The following SLC22A23 variants were observed in gnomAD, a reference collection of about 807,000 sequenced individuals.
SLC22A23 encodes ion transporter protein.
Under a neutral mutation model 61.0 loss-of-function variants are expected in SLC22A23, and 26 were observed. That is an observed-to-expected ratio of 0.43 (90% CI 0.31 to 0.59). The LOEUF is 0.59. Among genes scored for constraint, SLC22A23 ranks in the 20% least tolerant of loss-of-function variants. The pLI, the probability that SLC22A23 is intolerant of heterozygous loss-of-function variation, is 0.11. For missense variants in SLC22A23, 796 were observed against 934.7 expected, an observed-to-expected ratio of 0.85 and a Z score of 1.94; for synonymous variants, 430 against 413.9, an observed-to-expected ratio of 1.04 and a Z score of -0.47.
intron 4 of SLC22A23, 58 bp downstream of exon 4, chr6:3,323,776 G>GC: frequency 6.5e-7 from 1 of 1,546,728 alleles, no homozygotes; most frequent in African/African-American, 1.4e-5. Context: ...CCGGGGCCGG[G>GC]CCTTCAGGAA....
chr6:3,399,775 C>A (rs770316084), intron 3 of SLC22A23, among the ~76,000 whole-genome samples: 2 of 152,082 alleles, frequency 1.3e-5, no homozygotes, highest in African/African-American at 4.8e-5. Context: ...CTCAGGGAGT[C>A]GATAGAAGAG....
rs542241156 is a variant in SLC22A23 at position 3,386,862 on chromosome 6, C to T, written c.913+23326G>A. ...GAACAAGGACTTGCTTCCACAGGGCCGGCACCCCAGGGCGGGGCAGGCACC... is the reference window on the plus strand; with the variant it reads ...GAACAAGGACTTGCTTCCACAGGGCTGGCACCCCAGGGCGGGGCAGGCACC... On this transcript the variant is annotated intron_variant, in intron 3 of 9. Transcript: ENST00000406686. The surrounding 1 kb of genome is among the most constrained non-coding windows in gnomAD (Gnocchi z 4.4). 1.5e-3 allele frequency among the ~76,000 whole-genome samples: 222 copies of T among 152,292 alleles called. No individual in the cohort carries two copies. Among genetic ancestry groups the T allele is most frequent in the South Asian group, 2.1e-3 (10 of 4,824 alleles).
At chr6:3,335,958 G>A (rs373949519) in intron 3 of SLC22A23, among the ~76,000 whole-genome samples, 1 of 152,128 alleles carries the variant, frequency 6.6e-6, no homozygotes, top group South Asian at 2.1e-4. Context: ...GCGCGGTGGC[G>A]GGCGCCTGTA....
intron 3 of SLC22A23, among the ~76,000 whole-genome samples, chr6:3,396,511 T>G (rs919530916): frequency 6.6e-6 from 1 of 152,170 alleles, no homozygotes; most frequent in Non-Finnish European, 1.5e-5. Context: ...ATCGCGCCAC[T>G]GCACTCCAGC....
At chr6:3,363,262 G>A (rs1765596324) in intron 3 of SLC22A23, among the ~76,000 whole-genome samples, 1 of 152,218 alleles carries the variant, frequency 6.6e-6, no homozygotes, top group Non-Finnish European at 1.5e-5. Flanking sequence ...ATCCTCACCA[G>A]GCGCAGCAGC....
chr6:3,315,275 G>A (rs1247515720), intron 4 of SLC22A23, among the ~76,000 whole-genome samples: 2 of 152,208 alleles, frequency 1.3e-5, no homozygotes, highest in South Asian at 2.1e-4. Flanking sequence ...CAGGGAGGTC[G>A]GGGGAGCAGG....
chr6:3,331,767 T>C (rs1346837164), intron 3 of SLC22A23, among the ~76,000 whole-genome samples: 1 of 152,244 alleles, frequency 6.6e-6, no homozygotes, highest in Non-Finnish European at 1.5e-5. Flanking sequence ...TTCAGTCTCC[T>C]AGTATTTAAA....
intron 3 of SLC22A23, among the ~76,000 whole-genome samples, chr6:3,365,905 C>A (rs1479812341): frequency 6.6e-6 from 1 of 152,192 alleles, no homozygotes. Context: ...TTGTTAGTTT[C>A]TTGTCTGTTC....
At chr6:3,293,780 C>T (rs1291923237) in intron 5 of SLC22A23, among the ~76,000 whole-genome samples, 2 of 152,214 alleles carry the variant, frequency 1.3e-5, no homozygotes, top group East Asian at 1.9e-4. Flanking sequence ...TCCACCCTCT[C>T]GTCATCTTAG....
rs545723210 is a variant in SLC22A23 at position 3,340,205 on chromosome 6, G to A, written c.914-16203C>T. Among the ~76,000 whole-genome samples, 5 of 152,300 alleles carry A rather than the reference G, an allele frequency of 3.3e-5. No homozygotes were observed. In the East Asian group the frequency reaches 9.7e-4, roughly 29 times the overall value. On this transcript the variant is annotated intron_variant, in intron 3 of 9. Coordinates refer to ENST00000406686, the MANE Select transcript of SLC22A23 (RefSeq NM_015482.2). Reference sequence around the variant, plus strand: ...TGGCATTTCCATTTTCCAAGTACCAGCTATACGAATGACATTGAGCAAGAG... The same window carrying A: ...TGGCATTTCCATTTTCCAAGTACCAACTATACGAATGACATTGAGCAAGAG...
chr6:3,343,101 G>A (rs946230967), intron 3 of SLC22A23, among the ~76,000 whole-genome samples: 1 of 152,216 alleles, frequency 6.6e-6, no homozygotes, highest in African/African-American at 2.4e-5. Context: ...ATTTATGACA[G>A]TTGAATTCTT....
intron 6 of SLC22A23, among the ~76,000 whole-genome samples, chr6:3,288,220 CCTT>C (rs757262225): frequency 3.3e-5 from 5 of 152,280 alleles, no homozygotes; most frequent in South Asian, 4.1e-4. Flanking sequence ...CTCGAGGGAC[CCTT>C]CTTATGTCTG....
intron 1 of SLC22A23, among the ~76,000 whole-genome samples, chr6:3,452,503 G>A (rs1344210253): frequency 1.3e-5 from 2 of 150,558 alleles, no homozygotes; most frequent in Non-Finnish European, 2.9e-5. Flanking sequence ...GGAGGCTGAG[G>A]CAGAAAGATC....
intron 3 of SLC22A23, among the ~76,000 whole-genome samples, chr6:3,389,630 C>G (rs984129211): frequency 1.3e-5 from 2 of 152,216 alleles, no homozygotes; most frequent in African/African-American, 4.8e-5. Context: ...TTCAGGCTCA[C>G]TACAGTCACC....
Position 3,446,427 on chromosome 6 carries a change from G to A in SLC22A23, c.654+9479C>T, listed in dbSNP as rs140066938. Among the ~76,000 whole-genome samples the A allele has an allele frequency of 6.6e-5, 10 of 152,362 alleles. No homozygotes were observed. The East Asian group carries it at 1.9e-3, about 29-fold the overall frequency. On this transcript the variant is annotated intron_variant, in intron 1 of 9. Coordinates refer to ENST00000406686, the MANE Select transcript of SLC22A23 (RefSeq NM_015482.2). ...GCAATTAGCAAAGGCAAAGCCAGCT[G>A]AATTTGAAGGCAAATTCTAGCCCCA...
At position 3,285,083 on chromosome 6, in the gene SLC22A23, G is replaced by T. The variant is rs148573369; in HGVS notation, c.1575C>A (p.Asp525Glu). 114 of 1,613,166 alleles carry T rather than the reference G, an allele frequency of 7.1e-5. No individual in the cohort carries two copies. Among genetic ancestry groups the T allele is most frequent in the Non-Finnish European group, 8.1e-5 (95 of 1,179,616 alleles). ...GCCCACGCGCTTGGGACTCACCTGA[G>T]TCTGGGTGCTGGCTGTACTTTCCAA... ...NLIGKYSQHP[D>E]SGMSDSVKDK... Residue 525 changes from aspartate to glutamate, a missense_variant, in exon 8 of 10, where the codon GAC (aspartate) becomes GAA (glutamate). Coordinates refer to ENST00000406686, the MANE Select transcript of SLC22A23 (RefSeq NM_015482.2).
intron 1 of SLC22A23, among the ~76,000 whole-genome samples, chr6:3,442,112 C>T (rs773618236): frequency 4.6e-5 from 7 of 152,178 alleles, no homozygotes; most frequent in South Asian, 2.1e-4. Flanking sequence ...AGGCAGGAAA[C>T]GCTCACACAC....
rs1260555970 is a variant in SLC22A23 at position 3,300,006 on chromosome 6, T to C, written c.1083-1788A>G. Among the ~76,000 whole-genome samples the C allele has an allele frequency of 3.2e-3, 329 of 101,608 alleles. 17 individuals are homozygous for C. Among genetic ancestry groups the C allele is most frequent in the African/African-American group, 0.014 (307 of 21,958 alleles). The allele number at this position is 101,608 out of a possible 152,430, so 66.7% of individuals were successfully genotyped here. On this transcript the variant is annotated intron_variant, in intron 4 of 9. Transcript: ENST00000406686. Reference sequence around the variant, plus strand: ...TGCAAGCTCAGGATAGACTTTTTTTTTTTTTTTTTTTTTTTTTTTTTTGAG... The same window carrying C: ...TGCAAGCTCAGGATAGACTTTTTTTCTTTTTTTTTTTTTTTTTTTTTTGAG...
intron 1 of SLC22A23, among the ~76,000 whole-genome samples, chr6:3,441,629 C>A (rs1581897448): frequency 6.6e-6 from 1 of 152,222 alleles, no homozygotes; most frequent in East Asian, 1.9e-4. Flanking sequence ...CTCCTCTGCG[C>A]CCCTGCACCT....
Sources: allele counts gnomAD v4.1 joint callset (sites outside exome capture counted in the v4.1 genomes callset), GRCh38; gene constraint gnomAD v4.1.1; non-coding constraint Gnocchi (gnomAD v3.1); transcripts MANE v1.5; gene names NCBI Gene and HGNC (gene_info 2026-07-23, HGNC 2026-07-21).